Variants in KIF20B observed in about 807,000 individuals in gnomAD.
The protein encoded by KIF20B is kinesin-like protein KIF20B.
Under a neutral mutation model 232.5 loss-of-function variants are expected in KIF20B, and 188 were observed. The observed-to-expected ratio is 0.81, with a 90% CI of 0.72 to 0.91. KIF20B has a LOEUF of 0.91. KIF20B is among the 40% of genes least tolerant of loss of function. KIF20B has a pLI of 0.00. For missense variants in KIF20B, 2,154 were observed against 2,055.9 expected (o/e 1.05, Z -0.92); for synonymous variants, 712 against 683.0 (o/e 1.04, Z -0.66).
chr10:89,711,140 A>C lies in KIF20B; in HGVS notation c.670A>C (p.Lys224Gln), dbSNP rs1842830507. Residue 224 changes from lysine (K) to glutamine (Q), a missense_variant, in exon 6 of 33, where the codon AAA becomes CAA. Transcript: ENST00000371728. ...CAAAAGTGCATTGCTTCGGCAAATT[A>C]AAGAGGTATGGAAATATTTTAGTAT... is the stretch of plus-strand genomic sequence containing the variant. ...ASKSALLRQI[K>Q]EVTVHNDSDD... The C allele has an allele frequency of 6.5e-7, 1 of 1,536,384 alleles. No homozygotes were observed. Among genetic ancestry groups the C allele is most frequent in the Non-Finnish European group, 8.8e-7 (1 of 1,137,178 alleles).
At chr10:89,769,564 A>G (rs898732663) in intron 31 of KIF20B, among the ~76,000 whole-genome samples, 2 of 151,918 alleles carry the variant, frequency 1.3e-5, no homozygotes, top group East Asian at 3.9e-4. Flanking sequence ...TATGTCAAAA[A>G]CACATTATTT....
intron 15 of KIF20B, among the ~76,000 whole-genome samples, chr10:89,726,008 A>G (rs991018640): frequency 1.3e-5 from 2 of 152,182 alleles, no homozygotes; most frequent in Non-Finnish European, 2.9e-5. Context: ...CTCATTATAT[A>G]ATTGAAAGTA....
chr10:89,716,497 A>C lies in KIF20B; in HGVS notation c.1002A>C (p.Ile334=). ...CCTATAGACTTTTAAAACTAGGAAT[A>C]AAGCACCAGAGTGTTGCCTTCACAA... is the stretch of plus-strand genomic sequence containing the variant. The part of the protein sequence containing the change: ...KEAYRLLKLG[I]KHQSVAFTKL... The change falls in exon 9 of 33, where the codon ATA becomes ATC. Residue 334 remains isoleucine, a synonymous_variant. Transcript: ENST00000371728. The C allele has an allele frequency of 6.3e-7, 1 of 1,596,150 alleles. No homozygotes were observed. The highest frequency in any genetic ancestry group is 1.1e-5 in the South Asian group (1 of 88,758).
At position 89,768,296 on chromosome 10, in the gene KIF20B, G is replaced by A; in HGVS notation, c.4996G>A (p.Val1666Met). ...TAAAATTCATTATTTTTAGGACTTG[G>A]TGAAATGTGAAAATAAGAAGAATGC... is the stretch of plus-strand genomic sequence containing the variant. ...RKSNEMEEDL[V>M]KCENKKNATP... is the part of the protein sequence containing the mutation. Residue 1666 changes from valine to methionine, a missense_variant, in exon 30 of 33, where the codon GTG becomes ATG. Val to Met is a conservative substitution (Grantham distance 21, BLOSUM62 1). Transcript: ENST00000371728. The A allele has an allele frequency of 1.3e-6, 2 of 1,543,236 alleles. No individual in the cohort carries two copies. Among genetic ancestry groups the A allele is most frequent in the Non-Finnish European group, 1.8e-6 (2 of 1,131,166 alleles).
At chr10:89,766,558 C>A (rs1842364966) in intron 29 of KIF20B, 1 of 152,080 alleles carries the variant, frequency 6.6e-6, no homozygotes, top group African/African-American at 2.4e-5. Flanking sequence ...CCGATGCAGT[C>A]AACTGGGAGA....
chr10:89,738,382 G>A lies in KIF20B; in HGVS notation c.3541G>A (p.Ala1181Thr), dbSNP rs776710112. 3 of 1,605,562 alleles carry A rather than the reference G, an allele frequency of 1.9e-6. No individual in the cohort carries two copies. The highest frequency in any genetic ancestry group is 1.1e-5 in the South Asian group (1 of 88,466). Residue 1181 changes from alanine (A) to threonine (T), a missense_variant, in exon 20 of 33, where the codon GCC becomes ACC. By Grantham distance (58) the Ala-to-Thr change is moderately conservative. Transcript: ENST00000371728. ...ETQKVECSHSAKLEQDILEKE... is the reference protein window; with the variant it reads ...ETQKVECSHSTKLEQDILEKE... ...TCAGAAAGTTGAATGTAGTCATTCA[G>A]CCAAGTTAGAACAAGACATTTTGGA...
intron 6 of KIF20B, among the ~76,000 whole-genome samples, chr10:89,713,063 A>G (rs1271096763): frequency 6.6e-6 from 1 of 152,152 alleles, no homozygotes; most frequent in Non-Finnish European, 1.5e-5. Flanking sequence ...ATCATTAATA[A>G]TGAAAAAAAT....
chr10:89,762,739 G>A lies in KIF20B; in HGVS notation c.4893G>A (p.Gln1631=), dbSNP rs754261232. The part of the protein sequence containing the change: ...PELEIQFTPL[Q]PNKMAVKHPG... Reference sequence around the variant, plus strand: ...TAGAGATTCAATTTACACCTTTACAGCCAAACAAAATGGCAGTGAAACACC... The same window carrying A: ...TAGAGATTCAATTTACACCTTTACAACCAAACAAAATGGCAGTGAAACACC... Residue 1631 remains glutamine, a synonymous_variant, in exon 29 of 33, where the codon CAG becomes CAA. Coordinates refer to ENST00000371728, the MANE Select transcript of KIF20B (RefSeq NM_001284259.2). The A allele has an allele frequency of 2.5e-6, 4 of 1,613,590 alleles. 1 individual carries two copies. The South Asian group carries it at 4.4e-5, about 18-fold the overall frequency.
chr10:89,725,394 A>G (rs1843162126), intron 15 of KIF20B, among the ~76,000 whole-genome samples: 1 of 151,976 alleles, frequency 6.6e-6, no homozygotes, highest in Non-Finnish European at 1.5e-5. Context: ...TTATTTTGGT[A>G]TTGCTTGAAT....
At chr10:89,763,446 C>A (rs1487344239) in intron 29 of KIF20B, among the ~76,000 whole-genome samples, 2 of 152,104 alleles carry the variant, frequency 1.3e-5, no homozygotes, top group Admixed American at 1.3e-4. Flanking sequence ...TAGTCACTTT[C>A]CCTGTATTGG....
At position 89,726,481 on chromosome 10, in the gene KIF20B, A is replaced by G. The variant is rs1169123649; in HGVS notation, c.2190A>G (p.Glu730=). The G allele has an allele frequency of 1.2e-6, 2 of 1,604,918 alleles. No homozygotes were observed. Among genetic ancestry groups the G allele is most frequent in the East Asian group, 4.5e-5 (2 of 44,588 alleles). The part of the protein sequence containing the change: ...IKAELAKTKG[E]LIKTKEELKK... ...CTGAATTAGCTAAAACCAAAGGAGA[A>G]TTAATCAAAACCAAAGAAGAGTTAA... Residue 730 remains glutamate (E), a synonymous_variant, in exon 16 of 33, where the codon GAA becomes GAG. Transcript: ENST00000371728.
intron 13 of KIF20B, 89 bp from the exon 14 acceptor site, chr10:89,723,875 G>T: frequency 4.9e-6 from 5 of 1,027,294 alleles, no homozygotes; most frequent in East Asian, 3.2e-5. Flanking sequence ...TTGACTAAAT[G>T]TAAAGTTTTA....
chr10:89,721,699 G>GT (rs1185937752), intron 13 of KIF20B, among the ~76,000 whole-genome samples: 4,709 of 144,528 alleles, frequency 0.033, 227 homozygotes, highest in African/African-American at 0.11. Flanking sequence ...AAAAAACCCA[G>GT]TTTTTTTTTT....
At chr10:89,758,410 G>A (rs1035233151) in intron 26 of KIF20B, among the ~76,000 whole-genome samples, 1 of 151,898 alleles carries the variant, frequency 6.6e-6, no homozygotes, top group Non-Finnish European at 1.5e-5. Flanking sequence ...TTTTCCAAAC[G>A]TTGGCAGAAA....
chr10:89,721,767 A>G (rs1031075005), intron 13 of KIF20B, among the ~76,000 whole-genome samples: 12 of 152,262 alleles, frequency 7.9e-5, no homozygotes, highest in Middle Eastern at 3.4e-3. Context: ...TGAAATTACT[A>G]GAGAAAAATA....
At chr10:89,751,559 G>C (rs1486345244) in intron 24 of KIF20B, 88 bp downstream of exon 24, 2 of 1,198,460 alleles carry the variant, frequency 1.7e-6, no homozygotes, top group East Asian at 2.5e-5. Flanking sequence ...AAAGTAGTAC[G>C]TATTTTCAGT....
intron 6 of KIF20B, among the ~76,000 whole-genome samples, chr10:89,713,049 T>A (rs2133088874): frequency 6.6e-6 from 1 of 152,194 alleles, no homozygotes; most frequent in East Asian, 1.9e-4. Flanking sequence ...TAGAGGAAAT[T>A]AAAATCATTA....
At chr10:89,771,598 T>C (rs949030115) in intron 31 of KIF20B, among the ~76,000 whole-genome samples, 1 of 152,002 alleles carries the variant, frequency 6.6e-6, no homozygotes, top group Non-Finnish European at 1.5e-5. Flanking sequence ...CCTGAGTGCC[T>C]CCATTCAGAG....
intron 31 of KIF20B, 89 bp from the exon 32 acceptor site, chr10:89,772,600 G>A: frequency 2.6e-6 from 2 of 770,876 alleles, no homozygotes; most frequent in Non-Finnish European, 4.0e-6. Context: ...TCTTTATTAA[G>A]GATTTCAAAC....
Sources: gnomAD v4.1 joint callset for allele counts (sites outside exome capture counted in the v4.1 genomes callset) on GRCh38, gnomAD v4.1.1 for gene constraint, MANE v1.5 for transcripts, NCBI Gene and HGNC (gene_info 2026-07-23, HGNC 2026-07-21) for gene names.